ESR1: variants seen among roughly 807,000 people sequenced by gnomAD.
ESR1 encodes estrogen receptor 1, also known as estrogen receptor.
Under a neutral mutation model 52.7 loss-of-function variants are expected in ESR1, and 12 were observed. That is an observed-to-expected ratio of 0.23 (90% CI 0.15 to 0.37). ESR1 has a LOEUF of 0.37. Ranked by LOEUF, ESR1 falls within the 10% of genes least tolerant of loss-of-function variation. ESR1 has a pLI of 1.00. For missense variants in ESR1, 584 were observed against 779.7 expected, an observed-to-expected ratio of 0.75 and a Z score of 2.99; for synonymous variants, 305 against 316.8, an observed-to-expected ratio of 0.96 and a Z score of 0.39.
intron 3 of ESR1, among the ~76,000 whole-genome samples, chr6:151,883,970 T>C (rs1207301053): frequency 1.3e-5 from 2 of 152,112 alleles, no homozygotes; most frequent in East Asian, 1.9e-4. Context: ...CCAAATACAG[T>C]CACATTCTGA....
chr6:151,806,414 T>C (rs997753738), upstream of ESR1, among the ~76,000 whole-genome samples: 1 of 151,756 alleles, frequency 6.6e-6, no homozygotes, highest in African/African-American at 2.4e-5. Flanking sequence ...AAACAAAGTA[T>C]TGATAGTTGT....
In ESR1 at chr6:152,044,855, A is replaced by G. The variant is rs185998779; in HGVS notation, c.1236-16136A>G. The stretch of plus-strand genomic sequence containing the variant: ...ACTCAAATGTTAATCTCCTTTGACA[A>G]CACCCTCACAGACTCACTCAGGAAC... On this transcript the variant is annotated intron_variant, in intron 5 of 7. Transcript: ENST00000206249. 1.2e-3 allele frequency among the ~76,000 whole-genome samples: 189 copies of G among 152,290 alleles called. 1 individual carries two copies. Among genetic ancestry groups the G allele is most frequent in the South Asian group, 5.6e-3 (27 of 4,820 alleles).
At chr6:151,806,686 C>T (rs924336337), upstream of ESR1, among the ~76,000 whole-genome samples, 20 of 151,594 alleles carry the variant, frequency 1.3e-4, no homozygotes, top group East Asian at 5.8e-4. Context: ...CCGAGAAGAT[C>T]GAGTTGTAGG....
intron 2 of ESR1, among the ~76,000 whole-genome samples, chr6:151,854,723 T>C (rs934813095): frequency 6.6e-6 from 1 of 152,208 alleles, no homozygotes; most frequent in African/African-American, 2.4e-5. Flanking sequence ...AAATATGAAC[T>C]TTTGTATTAA....
At chr6:151,906,499 A>C (rs1053786307) in intron 3 of ESR1, among the ~76,000 whole-genome samples, 1 of 151,830 alleles carries the variant, frequency 6.6e-6, no homozygotes, top group African/African-American at 2.4e-5. Flanking sequence ...ATTATTAAAA[A>C]ATAGTTGCCT....
At chr6:151,750,660 G>A (rs1357418314) in intron 2 of ESR1, among the ~76,000 whole-genome samples, 2 of 152,064 alleles carry the variant, frequency 1.3e-5, no homozygotes, top group East Asian at 1.9e-4. Flanking sequence ...GTCTCTTCTC[G>A]AATGCTAACA....
chr6:152,060,685 G>C (rs937535020), intron 5 of ESR1, among the ~76,000 whole-genome samples: 3 of 152,166 alleles, frequency 2.0e-5, no homozygotes, highest in African/African-American at 7.2e-5. Flanking sequence ...CCCAGATCTT[G>C]ATCATTTTCA....
intron 3 of ESR1, among the ~76,000 whole-genome samples, chr6:151,908,769 A>G (rs1489918155): frequency 1.4e-5 from 2 of 146,916 alleles, no homozygotes; most frequent in African/African-American, 2.4e-5. Flanking sequence ...AACAATTGAG[A>G]AAAAAAAAAC....
intron 5 of ESR1, among the ~76,000 whole-genome samples, chr6:152,048,615 C>T (rs954758304): frequency 6.6e-6 from 1 of 152,084 alleles, no homozygotes; most frequent in African/African-American, 2.4e-5. Context: ...ATTGTTAAAC[C>T]TTCAGCACTG....
rs546159280 is a variant in ESR1, at chr6:151,707,650, A to G, written c.-71+5645A>G. Among the ~76,000 whole-genome samples, 6 of 152,242 alleles carry G rather than the reference A, an allele frequency of 3.9e-5. No individual in the cohort carries two copies. In the South Asian group the frequency reaches 6.2e-4, roughly 16 times the overall value. On this transcript the variant is annotated intron_variant, in intron 2 of 2. Coordinates refer to the ESR1 transcript ENST00000404742. ...CATTTATTTCCTTAAGAGTAATTCC[A>G]AAAAGTGGAAATAGAATGTCAAGGG...
At chr6:151,728,251 A>G (rs1781989570) in intron 2 of ESR1, among the ~76,000 whole-genome samples, 1 of 152,248 alleles carries the variant, frequency 6.6e-6, no homozygotes, top group South Asian at 2.1e-4. Flanking sequence ...TAAATGATAC[A>G]TTAAAGTGCA....
At chr6:151,680,456 G>A (rs1299496306) in intron 1 of ESR1, among the ~76,000 whole-genome samples, 1 of 152,002 alleles carries the variant, frequency 6.6e-6, no homozygotes, top group East Asian at 1.9e-4. Flanking sequence ...CACCTACCTC[G>A]ACCTCCCAAA....
intron 5 of ESR1, among the ~76,000 whole-genome samples, chr6:152,027,564 G>A (rs531373725): frequency 8.5e-4 from 129 of 151,562 alleles, no homozygotes; most frequent in Admixed American, 6.3e-3. Context: ...AAAATCTCTG[G>A]CTTACATTTT....
intron 5 of ESR1, among the ~76,000 whole-genome samples, chr6:152,058,948 AGG>A (rs1273075422): frequency 8.5e-4 from 130 of 152,326 alleles, no homozygotes; most frequent in Admixed American, 6.3e-3. Flanking sequence ...CTAATCTTAG[AGG>A]TCACTTCTAA....
intron 6 of ESR1, among the ~76,000 whole-genome samples, chr6:152,075,568 A>G (rs1009217239): frequency 2.6e-5 from 4 of 152,198 alleles, no homozygotes; most frequent in African/African-American, 9.6e-5. Context: ...AACTTTCAAC[A>G]CTAGTTATCT....
At chr6:151,664,751 A>T (rs1002046228) in intron 1 of ESR1, among the ~76,000 whole-genome samples, 1 of 152,220 alleles carries the variant, frequency 6.6e-6, no homozygotes, top group Non-Finnish European at 1.5e-5. Context: ...TTTTCACACT[A>T]AACAGCATTC....
chr6:151,911,879 G>A (rs1211881870), intron 3 of ESR1, among the ~76,000 whole-genome samples: 4 of 152,152 alleles, frequency 2.6e-5, no homozygotes, highest in African/African-American at 7.2e-5. Context: ...TGTTATCCTC[G>A]AGCTCTGCAA....
chr6:151,971,390 A>T (rs2038896348), intron 4 of ESR1, among the ~76,000 whole-genome samples: 1 of 152,082 alleles, frequency 6.6e-6, no homozygotes. Context: ...TATCATTCTT[A>T]TGCCTTTACA....
chr6:151,683,022 T>A (rs1294449415), intron 1 of ESR1, among the ~76,000 whole-genome samples: 1 of 152,238 alleles, frequency 6.6e-6, no homozygotes, highest in Middle Eastern at 3.2e-3. Context: ...GGGTGAAGCA[T>A]ATTTTGTACT....
Sources: gnomAD v4.1 joint callset for allele counts (sites outside exome capture counted in the v4.1 genomes callset) on GRCh38, gnomAD v4.1.1 for gene constraint, MANE v1.5 for transcripts, NCBI Gene and HGNC (gene_info 2026-07-23, HGNC 2026-07-21) for gene names.